ARNT: variants seen among roughly 807,000 people sequenced by gnomAD.
The protein encoded by ARNT is aryl hydrocarbon receptor nuclear translocator.
In ARNT, 30 loss-of-function variants were observed where a neutral mutation model predicts 105.0. That is an observed-to-expected ratio of 0.29 (90% CI 0.21 to 0.39). The LOEUF (loss-of-function observed/expected upper bound fraction) is 0.39. Ranked by LOEUF, ARNT falls within the 10% of genes least tolerant of loss-of-function variation. ARNT has a pLI of 1.00. For synonymous variants in ARNT, 304 were observed against 344.0 expected (o/e 0.88, Z 1.29); for missense variants, 748 against 978.7 (o/e 0.76, Z 3.15).
chr1:150,837,546 T>C (rs990515223), intron 6 of ARNT, among the ~76,000 whole-genome samples: 4 of 152,210 alleles, frequency 2.6e-5, no homozygotes, highest in African/African-American at 9.6e-5. Context: ...CCCTACCTTC[T>C]TCTATGAGAC....
At position 150,842,478 on chromosome 1, in the gene ARNT, G is replaced by A. The variant is rs772671761; in HGVS notation, c.228-10C>T. ...CTGCTCATCATCCGACCTAAAAATAGAATTAATGAACTAAGCTAAAATTAA... is the reference window on the plus strand; with the variant it reads ...CTGCTCATCATCCGACCTAAAAATAAAATTAATGAACTAAGCTAAAATTAA... On this transcript the variant is annotated splice_polypyrimidine_tract_variant and intron_variant, in intron 4 of 21. Coordinates refer to ENST00000358595, the MANE Select transcript of ARNT (RefSeq NM_001668.4). 6.6e-7 allele frequency: 1 copy of A among 1,523,176 alleles called. No homozygotes were observed. Among genetic ancestry groups the A allele is most frequent in the Non-Finnish European group, 8.9e-7 (1 of 1,126,594 alleles). 94.4% of individuals were successfully genotyped at this position (1,523,176 alleles called of 1,614,324 possible).
intron 4 of ARNT, among the ~76,000 whole-genome samples, chr1:150,845,647 T>C (rs754342606): frequency 7.2e-5 from 11 of 151,896 alleles, no homozygotes; most frequent in Non-Finnish European, 1.6e-4. Flanking sequence ...CTCACACCTA[T>C]AATCCCAGCA....
chr1:150,816,177 G>C (rs1352471711), intron 19 of ARNT, 82 bp downstream of exon 19: 7 of 1,501,206 alleles, frequency 4.7e-6, no homozygotes, highest in African/African-American at 1.5e-5. Context: ...ATTTAAAATA[G>C]AAAACACTGA....
Position 150,860,218 on chromosome 1 carries a change from C to CTTT in ARNT, c.26-1761_26-1759dup, listed in dbSNP as rs756996050. Reference sequence around the variant, plus strand: ...CCCATGGAATAGAAAAAAAAAAATTCTTTTTTTTTTTTTTTGAGTTAGAGT... The same window carrying CTTT: ...CCCATGGAATAGAAAAAAAAAAATTCTTTTTTTTTTTTTTTTTTGAGTTAGAGT... On this transcript the variant is annotated intron_variant, in intron 1 of 21. Coordinates refer to ENST00000358595, the MANE Select transcript of ARNT (RefSeq NM_001668.4). 2.7e-5 allele frequency among the ~76,000 whole-genome samples: 3 copies of CTTT among 113,002 alleles called. 1 individual carries two copies. Among genetic ancestry groups the CTTT allele is most frequent in the Admixed American group, 1.0e-4 (1 of 9,536 alleles). 74.1% of individuals were successfully genotyped at this position (113,002 alleles called of 152,430 possible).
rs773484109 is a variant in ARNT at position 150,839,490 on chromosome 1, C to T, written c.437G>A (p.Gly146Asp). ...ATAGGAGCCATCAGTGGATGTGTTG[C>T]CAGTTCCCCGCAAGGACTTCATGTG... ...VSHMKSLRGT[G>D]NTSTDGSYKP... Residue 146 changes from glycine (G) to aspartate (D), a missense_variant, in exon 6 of 22, where the codon GGC (glycine) becomes GAC (aspartate). Gly to Asp is a moderately conservative substitution (Grantham distance 94). This residue lies in a region of ARNT where 291 missense variants were observed against 444.6 expected (regional missense o/e 0.65). Coordinates refer to ENST00000358595, the MANE Select transcript of ARNT (RefSeq NM_001668.4). 3 of 1,614,198 alleles carry T rather than the reference C, an allele frequency of 1.9e-6. No individual in the cohort carries two copies. Among genetic ancestry groups the T allele is most frequent in the Middle Eastern group, 1.6e-4 (1 of 6,062 alleles).
rs745521026 is a variant in ARNT, at chr1:150,812,032, A to AG, written c.2358dup (p.Phe787LeufsTer9). On this transcript the variant is annotated frameshift_variant, in exon 22 of 22. Transcript: ENST00000358595. LOFTEE classifies it high-confidence loss of function. The stretch of plus-strand genomic sequence containing the variant: ...TCACCCCAATAGTTCTATTCTGAAA[A>AG]GGGGGGAAACATAGTTAGATCAGGG... 2 of 1,560,116 alleles carry AG rather than the reference A, an allele frequency of 1.3e-6. No homozygotes were observed. Among genetic ancestry groups the AG allele is most frequent in the Non-Finnish European group, 1.7e-6 (2 of 1,149,688 alleles).
rs61817643 is a variant in ARNT at position 150,858,502 on chromosome 1, T to C, written c.26-42A>G. ...GAAGTAAACATTTTTAAAAAGACAGTCCTTGCTTATCATCAGTATCATCAA... is the reference window on the plus strand; with the variant it reads ...GAAGTAAACATTTTTAAAAAGACAGCCCTTGCTTATCATCAGTATCATCAA... On this transcript the variant is annotated intron_variant, in intron 1 of 21. Coordinates refer to ENST00000358595, the MANE Select transcript of ARNT (RefSeq NM_001668.4). 2,260 of 1,421,722 alleles carry C rather than the reference T, an allele frequency of 1.6e-3. 2 individuals carry two copies. The highest frequency in any genetic ancestry group is 2.0e-3 in the Non-Finnish European group (2,078 of 1,024,766). 88.1% of individuals were successfully genotyped at this position (1,421,722 alleles called of 1,614,324 possible).
chr1:150,866,932 G>A (rs769721634), intron 1 of ARNT, among the ~76,000 whole-genome samples: 9 of 151,988 alleles, frequency 5.9e-5, no homozygotes, highest in African/African-American at 1.9e-4. Context: ...GAGGCTGGGC[G>A]CAATGGCTCA....
intron 7 of ARNT, among the ~76,000 whole-genome samples, chr1:150,835,594 G>A (rs373593957): frequency 1.3e-5 from 2 of 152,104 alleles, no homozygotes; most frequent in African/African-American, 4.8e-5. Context: ...GAGAGACCCT[G>A]TCTCTTTTTT....
At chr1:150,818,092 GAA>G in intron 14 of ARNT, 62 bp from the exon 15 acceptor site, 1 of 1,130,168 alleles carries the variant, frequency 8.8e-7, no homozygotes, top group Non-Finnish European at 1.3e-6. Context: ...GAGAGAGAGA[GAA>G]AGAGAAGAAT....
intron 1 of ARNT, among the ~76,000 whole-genome samples, chr1:150,861,601 G>A (rs1360878786): frequency 2.0e-5 from 3 of 152,126 alleles, no homozygotes; most frequent in Non-Finnish European, 4.4e-5. Flanking sequence ...TTTGAGTCCA[G>A]AAGTTCAAGA....
chr1:150,848,978 C>T (rs190895669), intron 3 of ARNT, among the ~76,000 whole-genome samples: 3 of 151,680 alleles, frequency 2.0e-5, no homozygotes, highest in African/African-American at 4.8e-5. Flanking sequence ...CCGAGGTGGG[C>T]GGATCACCTG....
At chr1:150,860,116 GTTTT>G (rs1355436432) in intron 1 of ARNT, among the ~76,000 whole-genome samples, 1 of 147,440 alleles carries the variant, frequency 6.8e-6, no homozygotes, top group African/African-American at 2.5e-5. Context: ...ACATCTCATT[GTTTT>G]TTGTTAGTTC....
At position 150,864,762 on chromosome 1, in the gene ARNT, T is replaced by TAAAA. The variant is rs1249367917; in HGVS notation, c.26-6306_26-6303dup. Among the ~76,000 whole-genome samples the TAAAA allele has an allele frequency of 2.1e-3, 172 of 80,330 alleles. 1 individual carries two copies. Among genetic ancestry groups the TAAAA allele is most frequent in the African/African-American group, 5.4e-3 (130 of 24,206 alleles). The allele number at this position is 80,330 out of a possible 152,430, so 52.7% of individuals were successfully genotyped here. A position where few individuals can be genotyped will look rare whatever the true frequency, so the allele number is the denominator to read the frequency against. On this transcript the variant is annotated intron_variant, in intron 1 of 21. Coordinates refer to ENST00000358595, the MANE Select transcript of ARNT (RefSeq NM_001668.4). Reference sequence around the variant, plus strand: ...ATGTACCCTAAAACTTAAAGTATAATAAAAAATAAATAAATAAATAAATAA... The same window carrying TAAAA: ...ATGTACCCTAAAACTTAAAGTATAATAAAAAAAAAATAAATAAATAAATAAATAA...
chr1:150,829,695 G>T (rs1329296032), intron 11 of ARNT, among the ~76,000 whole-genome samples: 1 of 151,974 alleles, frequency 6.6e-6, no homozygotes, highest in East Asian at 1.9e-4. Flanking sequence ...TAAGACAAGG[G>T]GAAAAAGATC....
At chr1:150,818,080 G>A in intron 14 of ARNT, 50 bp from the exon 15 acceptor site, 1 of 1,195,338 alleles carries the variant, frequency 8.4e-7, no homozygotes, top group Non-Finnish European at 1.2e-6. Flanking sequence ...GGAGGAAGGG[G>A]GGAGAGAGAG....
At chr1:150,832,202 G>C (rs1659474506) in intron 9 of ARNT, 132 bp downstream of exon 9, 3 of 904,360 alleles carry the variant, frequency 3.3e-6, no homozygotes, top group Admixed American at 2.1e-5. Flanking sequence ...TGGGAGGTAA[G>C]GGATGTTAAG....
intron 3 of ARNT, among the ~76,000 whole-genome samples, chr1:150,851,681 C>G (rs1013134756): frequency 6.6e-6 from 1 of 152,002 alleles, no homozygotes; most frequent in Admixed American, 6.6e-5. Flanking sequence ...AGAGTCATCA[C>G]CACTCCCTAA....
intron 2 of ARNT, among the ~76,000 whole-genome samples, chr1:150,853,859 A>C (rs2102216958): frequency 6.6e-6 from 1 of 152,326 alleles, no homozygotes; most frequent in East Asian, 1.9e-4. Context: ...TTGAACTAAA[A>C]TATTGCTCAT....
Sources: gnomAD v4.1 joint callset for allele counts (sites outside exome capture counted in the v4.1 genomes callset) on GRCh38, gnomAD v4.1.1 for gene constraint, gnomAD v4.1.1 regional missense constraint, MANE v1.5 for transcripts, NCBI Gene and HGNC (gene_info 2026-07-23, HGNC 2026-07-21) for gene names.